Variants in PDS5A observed in about 807,000 individuals in gnomAD.
PDS5A encodes PDS5 cohesin associated factor A, also known as sister chromatid cohesion protein PDS5 homolog A.
In PDS5A, 42 loss-of-function variants were observed where a neutral mutation model predicts 167.1. The observed-to-expected ratio is 0.25, with a 90% CI of 0.20 to 0.33. PDS5A has a LOEUF of 0.33. Among genes scored for constraint, PDS5A ranks in the 10% least tolerant of loss-of-function variants. PDS5A has a pLI of 1.00. For synonymous variants in PDS5A, 553 were observed against 554.6 expected (o/e 1.00, Z 0.04); for missense variants, 1,033 against 1,605.9 (o/e 0.64, Z 6.10).
At chr4:39,839,326 C>G (rs1716731505) in intron 31 of PDS5A, among the ~76,000 whole-genome samples, 1 of 151,966 alleles carries the variant, frequency 6.6e-6, no homozygotes, top group Admixed American at 6.6e-5. Context: ...AATCCCAGCA[C>G]TTTGGGAGGC....
chr4:39,936,037 G>C (rs1046549220), intron 2 of PDS5A, among the ~76,000 whole-genome samples: 7 of 149,564 alleles, frequency 4.7e-5, no homozygotes, highest in African/African-American at 1.7e-4. Flanking sequence ...CGCGATAAAA[G>C]GAACCTGACA....
rs150201925 is a variant in PDS5A at position 39,850,784 on chromosome 4, A to C, written c.3087-1132T>G. ...GTCTGAAGGGAACATTTGAATTTCT[A>C]AGTAAAAGTGAACCCCAAATCAGGC... On this transcript the variant is annotated intron_variant, in intron 26 of 32. Transcript: ENST00000303538. Among the ~76,000 whole-genome samples the C allele has an allele frequency of 6.0e-3, 907 of 152,340 alleles. 8 individuals carry two copies. Among genetic ancestry groups the C allele is most frequent in the African/African-American group, 0.02 (840 of 41,570 alleles).
intron 2 of PDS5A, among the ~76,000 whole-genome samples, chr4:39,975,237 C>T (rs1439097764): frequency 6.6e-6 from 1 of 152,062 alleles, no homozygotes; most frequent in Non-Finnish European, 1.5e-5. Flanking sequence ...GATCCCGCCG[C>T]CGCACACAGA....
In PDS5A at chr4:39,920,412, A is replaced by G. The variant is rs747031044; in HGVS notation, c.655-13T>C. ...GTTTATTTAAGTTCTGAAAAATAAT[A>G]AAAACATGGAAAGTTACAAATAAAT... On this transcript the variant is annotated splice_polypyrimidine_tract_variant and intron_variant, in intron 6 of 32. Transcript: ENST00000303538. The G allele has an allele frequency of 8.3e-7, 1 of 1,207,930 alleles. No homozygotes were observed. Among genetic ancestry groups the G allele is most frequent in the Non-Finnish European group, 1.2e-6 (1 of 823,950 alleles). The allele number at this position is 1,207,930 out of a possible 1,614,324, so 74.8% of individuals were successfully genotyped here.
chr4:39,842,935 A>ATATATATATATATATATATG, intron 30 of PDS5A, among the ~76,000 whole-genome samples: 1 of 139,726 alleles, frequency 7.2e-6, no homozygotes, highest in South Asian at 2.3e-4. Context: ...ATATATATAT[A>ATATATATATATATATATATG]TATTTTAAGA....
chr4:39,971,163 GT>G (rs1296205578), intron 2 of PDS5A, among the ~76,000 whole-genome samples: 1 of 149,812 alleles, frequency 6.7e-6, no homozygotes, highest in African/African-American at 2.5e-5. Flanking sequence ...GTTTTGTTTT[GT>G]TTGTTTGTTT....
chr4:39,892,124 A>C (rs1722028290), intron 16 of PDS5A, among the ~76,000 whole-genome samples: 1 of 151,564 alleles, frequency 6.6e-6, no homozygotes, highest in Non-Finnish European at 1.5e-5. Flanking sequence ...AAAAAAAGTT[A>C]ACTATCCATT....
intron 7 of PDS5A, 78 bp from the exon 8 acceptor site, chr4:39,917,266 T>A: frequency 1.2e-5 from 11 of 952,362 alleles, no homozygotes; most frequent in Non-Finnish European, 1.7e-5. Context: ...AAACATTTTT[T>A]ATAAATAATT....
chr4:39,909,050 T>TAAAATAAAATAAAATAAAAC (rs1723649778), intron 10 of PDS5A, among the ~76,000 whole-genome samples: 1 of 94,522 alleles, frequency 1.1e-5, no homozygotes, highest in Non-Finnish European at 2.2e-5. Flanking sequence ...AAAAATAAAA[T>TAAAATAAAATAAAATAAAAC]AAAATAAAAT....
rs900426374 is a variant in PDS5A, at chr4:39,976,252, A to T, written c.138+188T>A. The T allele has an allele frequency of 6.2e-5, 26 of 419,590 alleles. No homozygotes were observed. In the East Asian group the frequency reaches 8.2e-4, roughly 13 times the overall value. The allele number at this position is 419,590 out of a possible 1,614,324, so 26.0% of individuals were successfully genotyped here. Reference sequence around the variant, plus strand: ...TTTTTGAAAAATCACACTCCTTTTAAATTTCCCACAATGGTTATATCCCTA... The same window carrying T: ...TTTTTGAAAAATCACACTCCTTTTATATTTCCCACAATGGTTATATCCCTA... On this transcript the variant is annotated intron_variant, in intron 2 of 32. Coordinates refer to ENST00000303538, the MANE Select transcript of PDS5A (RefSeq NM_001100399.2).
intron 23 of PDS5A, among the ~76,000 whole-genome samples, chr4:39,865,558 A>G (rs1252703590): frequency 6.6e-6 from 1 of 152,234 alleles, no homozygotes; most frequent in African/African-American, 2.4e-5. Flanking sequence ...GCAGTACCAC[A>G]TAACTAGCCA....
chr4:39,945,523 T>G (rs541240499), intron 2 of PDS5A, among the ~76,000 whole-genome samples: 1 of 151,182 alleles, frequency 6.6e-6, no homozygotes, highest in African/African-American at 2.4e-5. Flanking sequence ...TGCTTAGTAC[T>G]CTTACCTATA....
chr4:39,916,780 C>A (rs1219079653), intron 8 of PDS5A, among the ~76,000 whole-genome samples: 2 of 151,860 alleles, frequency 1.3e-5, no homozygotes, highest in Non-Finnish European at 1.5e-5. Flanking sequence ...GCAGAAGAAT[C>A]GCTTGAACCT....
At chr4:39,898,226 T>C (rs1462946307) in intron 16 of PDS5A, 163 bp downstream of exon 16, 5 of 1,293,142 alleles carry the variant, frequency 3.9e-6, no homozygotes, top group Admixed American at 3.8e-5. Context: ...TGAGAGTGAA[T>C]GGTAAATAGA....
intron 21 of PDS5A, among the ~76,000 whole-genome samples, chr4:39,870,432 C>T (rs938679791): frequency 1.3e-5 from 2 of 151,678 alleles, no homozygotes; most frequent in African/African-American, 4.8e-5. Flanking sequence ...TAAAAAAATA[C>T]AAAAATTAGC....
chr4:39,823,468 G>C lies in PDS5A; in HGVS notation c.*2017C>G, dbSNP rs1715025172. The C allele has an allele frequency of 6.6e-6, 1 of 152,572 alleles. No homozygotes were observed. Among genetic ancestry groups the C allele is most frequent in the Non-Finnish European group, 1.5e-5 (1 of 68,036 alleles). 9.5% of individuals were successfully genotyped at this position (152,572 alleles called of 1,614,324 possible). A position where few individuals can be genotyped will look rare whatever the true frequency, so the allele number is the denominator to read the frequency against. On this transcript the variant is annotated 3_prime_UTR_variant, in exon 33 of 33. Transcript: ENST00000303538. The stretch of plus-strand genomic sequence containing the variant: ...GTAACACTTGGTAATCTAGTAAACT[G>C]TGATGCCGGGCAATTAATCAAAGGG...
intron 16 of PDS5A, among the ~76,000 whole-genome samples, chr4:39,895,199 CAA>C (rs34303340): frequency 2.8e-4 from 26 of 93,410 alleles, no homozygotes; most frequent in South Asian, 8.2e-4. Context: ...GACTCCGTCT[CAA>C]AAAAAAAAAA....
At chr4:39,843,570 G>A (rs1454577140) in intron 30 of PDS5A, among the ~76,000 whole-genome samples, 1 of 151,954 alleles carries the variant, frequency 6.6e-6, no homozygotes, top group Non-Finnish European at 1.5e-5. Flanking sequence ...AAATTAGCTG[G>A]GAGTGGTGGC....
At chr4:39,840,592 C>T (rs553187070) in intron 31 of PDS5A, among the ~76,000 whole-genome samples, 2 of 152,256 alleles carry the variant, frequency 1.3e-5, no homozygotes, top group South Asian at 2.1e-4. Flanking sequence ...GACGAGTTTT[C>T]ACCACGTTGG....
Sources: allele counts gnomAD v4.1 joint callset (sites outside exome capture counted in the v4.1 genomes callset), GRCh38; gene constraint gnomAD v4.1.1; transcripts MANE v1.5; gene names NCBI Gene and HGNC (gene_info 2026-07-23, HGNC 2026-07-21).